TIAM1: variants seen among roughly 807,000 people sequenced by gnomAD.
TIAM1 encodes the protein rho guanine nucleotide exchange factor TIAM1.
In TIAM1, 65 loss-of-function variants were observed where a neutral mutation model predicts 163.5. The ratio of observed to expected loss-of-function variants is 0.40; its 90% CI spans 0.33 to 0.49. The LOEUF (loss-of-function observed/expected upper bound fraction) is 0.49, where lower values mean the gene tolerates loss of function less well. Among genes scored for constraint, TIAM1 ranks in the 20% least tolerant of loss-of-function variants. The pLI is 0.77. For synonymous variants in TIAM1, 833 were observed against 810.1 expected (o/e 1.03, Z -0.48); for missense variants, 1,789 against 2,044.7 (o/e 0.87, Z 2.41).
chr21:31,364,445 G>A (rs779896103), intron 2 of TIAM1, among the ~76,000 whole-genome samples: 1 of 152,226 alleles, frequency 6.6e-6, no homozygotes, highest in Non-Finnish European at 1.5e-5. Context: ...AGCCTCCGCA[G>A]AGGGAGCCAA....
intron 1 of TIAM1, among the ~76,000 whole-genome samples, chr21:31,553,583 G>T (rs1260636124): frequency 1.3e-5 from 2 of 152,168 alleles, no homozygotes; most frequent in Non-Finnish European, 2.9e-5. Context: ...TGCCTGGAAT[G>T]CGGCCACCCA....
chr21:31,451,716 T>C (rs113758550), intron 2 of TIAM1, among the ~76,000 whole-genome samples: 14 of 42,208 alleles, frequency 3.3e-4, no homozygotes, highest in Non-Finnish European at 5.2e-4. Context: ...AGCATGTGTG[T>C]GCGTGTGTGT....
intron 2 of TIAM1, among the ~76,000 whole-genome samples, chr21:31,288,269 A>G (rs1280025913): frequency 2.0e-5 from 3 of 152,000 alleles, no homozygotes; most frequent in Admixed American, 6.6e-5. Flanking sequence ...AAAAAAAACA[A>G]CCTTCCTGCC....
At chr21:31,147,241 A>G (rs1415141108) in intron 19 of TIAM1, among the ~76,000 whole-genome samples, 1 of 152,176 alleles carries the variant, frequency 6.6e-6, no homozygotes. Context: ...TATAGGGTAG[A>G]TGTCCCTGGT....
At chr21:31,392,323 C>T (rs913021091) in intron 2 of TIAM1, among the ~76,000 whole-genome samples, 2 of 152,074 alleles carry the variant, frequency 1.3e-5, no homozygotes, top group Admixed American at 6.5e-5. Flanking sequence ...GTAATCCCAG[C>T]ACTTTGGGAG....
intron 3 of TIAM1, among the ~76,000 whole-genome samples, chr21:31,273,068 A>C (rs1464624036): frequency 2.0e-5 from 3 of 152,224 alleles, no homozygotes; most frequent in African/African-American, 7.2e-5. Context: ...AAAAGTAAAC[A>C]AAAGCAAACA....
intron 1 of TIAM1, among the ~76,000 whole-genome samples, chr21:31,472,331 G>A (rs752524324): frequency 9.2e-5 from 14 of 151,898 alleles, no homozygotes; most frequent in East Asian, 1.9e-4. Flanking sequence ...GTTTGAGACC[G>A]GCCTGGCCAA....
At chr21:31,193,881 A>G (rs1316353667) in intron 13 of TIAM1, among the ~76,000 whole-genome samples, 1 of 152,172 alleles carries the variant, frequency 6.6e-6, no homozygotes, top group Admixed American at 6.5e-5. Flanking sequence ...CCATGCGTAC[A>G]GTAAGAAGCA....
intron 2 of TIAM1, among the ~76,000 whole-genome samples, chr21:31,390,975 G>A (rs970386609): frequency 3.9e-5 from 6 of 152,084 alleles, no homozygotes; most frequent in East Asian, 1.9e-4. Context: ...TACCAGCCAC[G>A]CCTCTTCTTA....
intron 13 of TIAM1, among the ~76,000 whole-genome samples, chr21:31,188,652 G>A (rs918525007): frequency 2.1e-4 from 32 of 152,256 alleles, no homozygotes; most frequent in African/African-American, 7.7e-4. Context: ...ATAGCTCATT[G>A]TAGCTTCAAA....
chr21:31,538,669 A>G (rs1167877087), intron 1 of TIAM1, among the ~76,000 whole-genome samples: 2 of 152,146 alleles, frequency 1.3e-5, no homozygotes, highest in Non-Finnish European at 2.9e-5. Context: ...ACATGCTCTA[A>G]AAGATTTTTC....
At position 31,119,747 on chromosome 21, in the gene TIAM1, A is replaced by G. The variant is rs1446222152; in HGVS notation, c.*621T>C. The G allele has an allele frequency of 1.3e-5, 2 of 152,294 alleles. No homozygotes were observed. The highest frequency in any genetic ancestry group is 2.4e-5 in the African/African-American group (1 of 41,392). The allele number at this position is 152,294 out of a possible 1,614,324, so 9.4% of individuals were successfully genotyped here. On this transcript the variant is annotated 3_prime_UTR_variant, in exon 28 of 28. Coordinates refer to ENST00000541036, the MANE Select transcript of TIAM1 (RefSeq NM_001353694.2). Reference sequence around the variant, plus strand: ...AAGAGTTTGGCATCTCTATAATTCTATGCAAAACTAGAGCTTCCGAACATG... The same window carrying G: ...AAGAGTTTGGCATCTCTATAATTCTGTGCAAAACTAGAGCTTCCGAACATG...
chr21:31,552,481 C>T (rs1211702876), intron 1 of TIAM1, among the ~76,000 whole-genome samples: 1 of 152,078 alleles, frequency 6.6e-6, no homozygotes, highest in Non-Finnish European at 1.5e-5. Flanking sequence ...GGATCCTTAA[C>T]AAGAAACCTC....
At chr21:31,394,264 A>G (rs2077014137) in intron 2 of TIAM1, among the ~76,000 whole-genome samples, 2 of 152,166 alleles carry the variant, frequency 1.3e-5, no homozygotes, top group Non-Finnish European at 2.9e-5. Context: ...AAAGCTACAC[A>G]CTGTATGACT....
rs147192915 is a variant in TIAM1 at position 31,462,158 on chromosome 21, G to A, written c.-369+1825C>T. On this transcript the variant is annotated intron_variant, in intron 2 of 28. Transcript: ENST00000286827. ...TTAAAATAAAGGGCCAAATAGTAAC[G>A]ATCTCAGGCTTTATAGGCCATATTT... Among the ~76,000 whole-genome samples the A allele has an allele frequency of 2.7e-3, 411 of 152,212 alleles. 6 individuals carry two copies. Among genetic ancestry groups the A allele is most frequent in the African/African-American group, 8.6e-3 (356 of 41,530 alleles).
intron 2 of TIAM1, among the ~76,000 whole-genome samples, chr21:31,431,048 C>G (rs979337503): frequency 2.0e-5 from 3 of 152,050 alleles, no homozygotes; most frequent in Non-Finnish European, 4.4e-5. Flanking sequence ...ATTCTCATCC[C>G]CAGAGGTGAC....
chr21:31,440,943 C>T (rs761207884), intron 2 of TIAM1, among the ~76,000 whole-genome samples: 21 of 152,208 alleles, frequency 1.4e-4, no homozygotes, highest in Admixed American at 7.9e-4. Flanking sequence ...CAAAGGAAAA[C>T]ATGCATTTAC....
At chr21:31,291,746 C>T (rs531783025) in intron 2 of TIAM1, among the ~76,000 whole-genome samples, 22 of 152,330 alleles carry the variant, frequency 1.4e-4, no homozygotes, top group African/African-American at 5.1e-4. Context: ...TGGTCTTGAA[C>T]TCCTGACCTC....
chr21:31,314,228 T>C (rs1276691323), intron 2 of TIAM1, among the ~76,000 whole-genome samples: 1 of 152,208 alleles, frequency 6.6e-6, no homozygotes, highest in Non-Finnish European at 1.5e-5. Context: ...CCAATCACAC[T>C]GACCCTTGGC....
Sources: gnomAD v4.1 joint callset for allele counts (sites outside exome capture counted in the v4.1 genomes callset) on GRCh38, gnomAD v4.1.1 for gene constraint, MANE v1.5 for transcripts, NCBI Gene and HGNC (gene_info 2026-07-23, HGNC 2026-07-21) for gene names.